Variants in FAM210A observed in about 807,000 individuals in gnomAD.
The protein encoded by FAM210A is mitochondrial inner membrane scaffold 1, also known as family with sequence similarity 210 member A.
In FAM210A, 13 loss-of-function variants were observed where a neutral mutation model predicts 25.3. That is an observed-to-expected ratio of 0.51 (90% CI 0.33 to 0.82). FAM210A has a LOEUF of 0.82. FAM210A is among the 40% of genes least tolerant of loss of function. The pLI is 0.02. For missense variants in FAM210A, 319 were observed against 323.2 expected (o/e 0.99, Z 0.10); for synonymous variants, 125 against 118.7 (o/e 1.05, Z -0.35).
At chr18:13,667,191 C>T (rs2149049941) in intron 3 of FAM210A, among the ~76,000 whole-genome samples, 1 of 152,348 alleles carries the variant, frequency 6.6e-6, no homozygotes, top group African/African-American at 2.4e-5. Context: ...AGCTTCACTT[C>T]CAAATCCCTT....
At chr18:13,714,959 T>C (rs935840662) in intron 1 of FAM210A, 2 of 152,174 alleles carry the variant, frequency 1.3e-5, no homozygotes, top group Non-Finnish European at 2.9e-5. Context: ...CTTCAAGAAA[T>C]TCCTAGGAGT....
intron 1 of FAM210A, among the ~76,000 whole-genome samples, chr18:13,702,879 G>C (rs902550060): frequency 6.6e-6 from 1 of 152,192 alleles, no homozygotes; most frequent in Non-Finnish European, 1.5e-5. Flanking sequence ...TTTTGATAAA[G>C]TTTAAATGCC....
chr18:13,682,979 A>G (rs2043568553), intron 1 of FAM210A, among the ~76,000 whole-genome samples: 1 of 152,200 alleles, frequency 6.6e-6, no homozygotes, highest in Non-Finnish European at 1.5e-5. Context: ...CTCTTGTTCT[A>G]TAGAAGCAGT....
At position 13,671,886 on chromosome 18, in the gene FAM210A, G is replaced by A. The variant is rs768777594; in HGVS notation, c.561C>T (p.Ala187=). The A allele has an allele frequency of 6.2e-7, 1 of 1,613,256 alleles. No individual in the cohort carries two copies. Among genetic ancestry groups the A allele is most frequent in the East Asian group, 2.2e-5 (1 of 44,860 alleles). Reference sequence around the variant, plus strand: ...CCTTAAACAAGGCATATGCTGTGAGGGCATTTCCACTCTGGGAGTTTTTCA... The same window carrying A: ...CCTTAAACAAGGCATATGCTGTGAGAGCATTTCCACTCTGGGAGTTTTTCA... ...SILKNSQSGN[A]LTAYALFKIA... is the part of the protein sequence containing the mutation. The change falls in exon 3 of 4, where the codon GCC becomes GCT. Residue 187 remains alanine, a synonymous_variant. Transcript: ENST00000651643.
chr18:13,680,530 C>T (rs2043543725), intron 2 of FAM210A, among the ~76,000 whole-genome samples: 1 of 152,068 alleles, frequency 6.6e-6, no homozygotes, highest in Admixed American at 6.6e-5. Context: ...TCCTGTGTTC[C>T]CAAAAATAGG....
At chr18:13,685,257 G>A (rs1187185516) in intron 1 of FAM210A, among the ~76,000 whole-genome samples, 4 of 148,748 alleles carry the variant, frequency 2.7e-5, no homozygotes, top group Non-Finnish European at 4.4e-5. Flanking sequence ...CCCAAAACAC[G>A]TTTCTCTGCC....
intron 1 of FAM210A, among the ~76,000 whole-genome samples, chr18:13,708,826 C>G (rs573299082): frequency 6.8e-6 from 1 of 148,036 alleles, no homozygotes; most frequent in East Asian, 1.9e-4. Flanking sequence ...TGACCCTGTC[C>G]TTTTCCTAGT....
chr18:13,680,095 C>A (rs2043539136), intron 2 of FAM210A, among the ~76,000 whole-genome samples: 1 of 152,194 alleles, frequency 6.6e-6, no homozygotes, highest in African/African-American at 2.4e-5. Context: ...AAAAGAAACA[C>A]ATATGTATTT....
intron 1 of FAM210A, among the ~76,000 whole-genome samples, chr18:13,684,370 G>C (rs2043579036): frequency 6.6e-6 from 1 of 152,034 alleles, no homozygotes; most frequent in Admixed American, 6.5e-5. Context: ...CTGCACTCCA[G>C]CCTGGGCAAC....
rs1481247428 is a variant in FAM210A at position 13,671,994 on chromosome 18, T to C, written c.474-21A>G. 1.4e-6 allele frequency: 2 copies of C among 1,449,384 alleles called. 1 individual carries two copies. Among genetic ancestry groups the C allele is most frequent in the South Asian group, 2.3e-5 (2 of 85,946 alleles). 89.8% of individuals were successfully genotyped at this position (1,449,384 alleles called of 1,614,324 possible). A position where few individuals can be genotyped will look rare whatever the true frequency, so the allele number is the denominator to read the frequency against. ...CTCCTCTACAAAAAAAAAAAAGTAA[T>C]TTTCATATGTACAAACTTTTAATGA... On this transcript the variant is annotated intron_variant, in intron 2 of 3. Coordinates refer to ENST00000651643, the MANE Select transcript of FAM210A (RefSeq NM_152352.4).
At chr18:13,713,809 TAGCTCATCAAAACCTCTGAC>T (rs1369723367) in intron 1 of FAM210A, among the ~76,000 whole-genome samples, 1 of 151,410 alleles carries the variant, frequency 6.6e-6, no homozygotes, top group Non-Finnish European at 1.5e-5. Flanking sequence ...GGCACAATCA[TAGCTCATCAAAACCTCTGAC>T]ACCTGACTCA....
Position 13,713,725 on chromosome 18 carries a change from AAC to A in FAM210A, c.-29+12602_-29+12603del, listed in dbSNP as rs55691136. Among the ~76,000 whole-genome samples, 324 of 141,996 alleles carry A rather than the reference AAC, an allele frequency of 2.3e-3. 1 individual carries two copies. Among genetic ancestry groups the A allele is most frequent in the South Asian group, 0.01 (45 of 4,286 alleles). 93.2% of individuals were successfully genotyped at this position (141,996 alleles called of 152,430 possible). ...GTAGCGGGGAAGTATGTCACTATAAAACACACACACACACACACACACACACA... is the reference window on the plus strand; with the variant it reads ...GTAGCGGGGAAGTATGTCACTATAAAACACACACACACACACACACACACA... On this transcript the variant is annotated intron_variant, in intron 1 of 3. Coordinates refer to ENST00000651643, the MANE Select transcript of FAM210A (RefSeq NM_152352.4).
intron 1 of FAM210A, among the ~76,000 whole-genome samples, chr18:13,700,443 A>T (rs2043730043): frequency 6.6e-6 from 1 of 152,158 alleles, no homozygotes; most frequent in African/African-American, 2.4e-5. Flanking sequence ...TTAACCTAAG[A>T]ATTGGTTAAG....
intron 1 of FAM210A, among the ~76,000 whole-genome samples, chr18:13,705,541 G>A (rs1184022508): frequency 1.3e-5 from 2 of 151,830 alleles, no homozygotes; most frequent in African/African-American, 4.8e-5. Context: ...GCATGATCTC[G>A]GCCCACTGCA....
chr18:13,711,726 C>T (rs11080682), intron 1 of FAM210A, among the ~76,000 whole-genome samples: 38,467 of 152,058 alleles, frequency 0.25, 5,608 homozygotes, highest in Non-Finnish European at 0.34. Context: ...CTTTTATATC[C>T]ATTAGGTGAT....
intron 1 of FAM210A, among the ~76,000 whole-genome samples, chr18:13,704,638 G>A (rs1339088914): frequency 6.6e-6 from 1 of 152,252 alleles, no homozygotes; most frequent in East Asian, 1.9e-4. Flanking sequence ...ATCCAAAAGA[G>A]AGGTAAGCAC....
chr18:13,664,611 T>G lies in FAM210A; in HGVS notation c.*1869A>C, dbSNP rs1412293761. ...CCTCTGTATCAGGAGACAGCGGTGC[T>G]GCCTGCCCAAGACTGCAGAGAGCAG... On this transcript the variant is annotated 3_prime_UTR_variant, in exon 4 of 4. Coordinates refer to ENST00000651643, the MANE Select transcript of FAM210A (RefSeq NM_152352.4). 6.6e-6 allele frequency: 1 copy of G among 152,248 alleles called. No homozygotes were observed. The highest frequency in any genetic ancestry group is 2.4e-5 in the African/African-American group (1 of 41,464). The allele number at this position is 152,248 out of a possible 1,614,324, so 9.4% of individuals were successfully genotyped here.
intron 1 of FAM210A, among the ~76,000 whole-genome samples, chr18:13,697,291 T>C (rs999770365): frequency 6.6e-6 from 1 of 152,064 alleles, no homozygotes; most frequent in Non-Finnish European, 1.5e-5. Flanking sequence ...AGAGCCCTCA[T>C]TAAGATCTAC....
intron 1 of FAM210A, among the ~76,000 whole-genome samples, chr18:13,688,796 A>G (rs1478802435): frequency 6.6e-6 from 1 of 152,216 alleles, no homozygotes; most frequent in African/African-American, 2.4e-5. Flanking sequence ...AGGCACCCCC[A>G]CCTAGATGCT....
Sources: allele counts gnomAD v4.1 joint callset (sites outside exome capture counted in the v4.1 genomes callset), GRCh38; gene constraint gnomAD v4.1.1; transcripts MANE v1.5; gene names NCBI Gene and HGNC (gene_info 2026-07-23, HGNC 2026-07-21).